The following MCM6 variants were observed in gnomAD, a reference collection of about 807,000 sequenced individuals.
The protein encoded by MCM6 is DNA replication licensing factor MCM6.
MCM6 carries 46 observed loss-of-function variants against 94.3 expected under a neutral mutation model. The observed-to-expected ratio is 0.49, with a 90% CI of 0.39 to 0.62. MCM6 has a LOEUF of 0.62. MCM6 is among the 20% of genes least tolerant of loss of function. The probability of loss-of-function intolerance (pLI) is 0.00; values close to 1 mark genes in which losing one functional copy is unlikely to be tolerated. For missense variants in MCM6, 865 were observed against 1,017.9 expected, an observed-to-expected ratio of 0.85 and a Z score of 2.04; for synonymous variants, 335 against 351.9, an observed-to-expected ratio of 0.95 and a Z score of 0.54.
chr2:135,855,914 C>T (rs1214417295), intron 11 of MCM6, among the ~76,000 whole-genome samples: 1 of 151,816 alleles, frequency 6.6e-6, no homozygotes, highest in Non-Finnish European at 1.5e-5. Context: ...AATAATTAAA[C>T]TAACATATCA....
At position 135,876,381 on chromosome 2, in the gene MCM6, AG is replaced by A; in HGVS notation, c.-17del. Reference sequence around the variant, plus strand: ...CGAGGTCCATATTTGCTTAGTGCCGAGGATTCGCCTGCGCCACGCTCGACCG... The same window carrying A: ...CGAGGTCCATATTTGCTTAGTGCCGAGATTCGCCTGCGCCACGCTCGACCG... On this transcript the variant is annotated 5_prime_UTR_variant, in exon 1 of 17. Coordinates refer to ENST00000264156, the MANE Select transcript of MCM6 (RefSeq NM_005915.6). 6.3e-7 allele frequency: 1 copy of A among 1,587,940 alleles called. No individual in the cohort carries two copies.
intron 11 of MCM6, among the ~76,000 whole-genome samples, chr2:135,856,210 G>A (rs309179): frequency 0.5 from 76,281 of 152,062 alleles, 23,230 homozygotes; most frequent in Non-Finnish European, 0.7. Context: ...GGAGGCTGAG[G>A]TGGGTGTGCA....
At position 135,860,078 on chromosome 2, in the gene MCM6, A is replaced by G. The variant is rs372580517; in HGVS notation, c.1221-636T>C. Among the ~76,000 whole-genome samples the G allele has an allele frequency of 8.5e-5, 13 of 152,230 alleles. No individual in the cohort carries two copies. In the South Asian group the frequency reaches 2.7e-3, roughly 32 times the overall value. On this transcript the variant is annotated intron_variant, in intron 8 of 16. Coordinates refer to ENST00000264156, the MANE Select transcript of MCM6 (RefSeq NM_005915.6). Reference sequence around the variant, plus strand: ...TTTGGCCTCCCAAAGTGCTGGGATTACAGGCGTGAGCCACCACACCTAGCC... The same window carrying G: ...TTTGGCCTCCCAAAGTGCTGGGATTGCAGGCGTGAGCCACCACACCTAGCC...
chr2:135,847,362 A>G (rs889111600), intron 14 of MCM6, among the ~76,000 whole-genome samples: 4 of 152,188 alleles, frequency 2.6e-5, no homozygotes, highest in African/African-American at 9.6e-5. Flanking sequence ...CTGCAGTGCC[A>G]TGAGTGTACC....
Position 135,872,763 on chromosome 2 carries a change from A to G in MCM6, c.188T>C (p.Val63Ala), listed in dbSNP as rs758646175. 6.2e-7 allele frequency: 1 copy of G among 1,614,176 alleles called. No homozygotes were observed. The highest frequency in any genetic ancestry group is 1.3e-5 in the African/African-American group (1 of 75,050). Residue 63 changes from valine to alanine, a missense_variant, in exon 2 of 17, where the codon GTG (valine) becomes GCG (alanine). Val to Ala is a moderately conservative substitution (Grantham distance 64). Transcript: ENST00000264156. ...AAATTGTTCCAGGTCCACAAAACTC[A>G]CAACCAATGTGTTTCTCTCAGGACG... Reference protein sequence around the residue: ...LIRPERNTLVVSFVDLEQFNQ... With the variant: ...LIRPERNTLVASFVDLEQFNQ...
rs546877429 is a variant in MCM6, at chr2:135,868,447, A to G, written c.615+164T>C. Among the ~76,000 whole-genome samples, 14 of 152,344 alleles carry G rather than the reference A, an allele frequency of 9.2e-5. No homozygotes were observed. The South Asian group carries it at 2.7e-3, about 29-fold the overall frequency. ...AAAACAAATGTATATACTAACAATT[A>G]TAATTTACATGAACAGTTTTGGGCT... On this transcript the variant is annotated intron_variant, in intron 4 of 16. Coordinates refer to ENST00000264156, the MANE Select transcript of MCM6 (RefSeq NM_005915.6).
chr2:135,866,440 T>A, intron 5 of MCM6, 123 bp downstream of exon 5: 22 of 1,401,940 alleles, frequency 1.6e-5, no homozygotes, highest in Non-Finnish European at 2.1e-5. Flanking sequence ...TTTATTCTCA[T>A]CACACTTCGT....
chr2:135,850,709 G>A (rs1427424790), intron 13 of MCM6, among the ~76,000 whole-genome samples: 2 of 152,150 alleles, frequency 1.3e-5, no homozygotes, highest in Non-Finnish European at 2.9e-5. Flanking sequence ...CAGGGGTTTG[G>A]AACTTTCTGA....
chr2:135,865,264 C>A, intron 6 of MCM6, 101 bp from the exon 7 acceptor site: 10 of 751,046 alleles, frequency 1.3e-5, no homozygotes, highest in South Asian at 4.6e-5. Context: ...CATGGGAAGT[C>A]AACCTCACAA....
At chr2:135,871,341 T>A (rs1216845364) in intron 2 of MCM6, among the ~76,000 whole-genome samples, 1 of 152,216 alleles carries the variant, frequency 6.6e-6, no homozygotes, top group African/African-American at 2.4e-5. Context: ...GTCAGTGCTA[T>A]AACTTCTACT....
chr2:135,862,557 G>A (rs1180772594), intron 8 of MCM6, 50 bp downstream of exon 8: 2 of 1,604,438 alleles, frequency 1.2e-6, no homozygotes, highest in Non-Finnish European at 8.5e-7. Context: ...CAGCCAGCCT[G>A]GGAACTATGT....
At chr2:135,876,123 T>C in intron 1 of MCM6, 136 bp downstream of exon 1, 1 of 625,894 alleles carries the variant, frequency 1.6e-6, no homozygotes, top group Non-Finnish European at 2.5e-6. Flanking sequence ...AGCCTAAAGT[T>C]GGGGGGCGGG....
At chr2:135,861,467 T>C (rs1290886070) in intron 8 of MCM6, among the ~76,000 whole-genome samples, 2 of 152,230 alleles carry the variant, frequency 1.3e-5, no homozygotes. Context: ...CTTGTTGCTT[T>C]TATTTTGGGC....
At position 135,862,691 on chromosome 2, in the gene MCM6, G is replaced by A. The variant is rs766972366; in HGVS notation, c.1136C>T (p.Thr379Ile). The A allele has an allele frequency of 1.2e-5, 19 of 1,614,074 alleles. No homozygotes were observed. Among genetic ancestry groups the A allele is most frequent in the East Asian group, 2.2e-5 (1 of 44,882 alleles). ...TCGAAGAGAGGTCCCTTCTCCTGTTGTCTTTGGAACGCCACCAAAGAGCAT... is the reference window on the plus strand; with the variant it reads ...TCGAAGAGAGGTCCCTTCTCCTGTTATCTTTGGAACGCCACCAAAGAGCAT... ...LLMLFGGVPK[T>I]TGEGTSLRGD... Residue 379 changes from threonine (T) to isoleucine (I), a missense_variant, in exon 8 of 17, where the codon ACA becomes ATA. Around this residue, in one of 3 missense-constraint regions of MCM6, gnomAD observed 153 missense variants for 241.5 expected, o/e 0.63. Transcript: ENST00000264156.
At position 135,846,351 on chromosome 2, in the gene MCM6, A is replaced by G. The variant is rs1007877179; in HGVS notation, c.2095T>C (p.Tyr699His). 3.7e-6 allele frequency: 6 copies of G among 1,614,034 alleles called. No homozygotes were observed. The highest frequency in any genetic ancestry group is 4.2e-6 in the Non-Finnish European group (5 of 1,180,000). Residue 699 changes from tyrosine to histidine, a missense_variant, in exon 15 of 17, where the codon TAC becomes CAC. Coordinates refer to ENST00000264156, the MANE Select transcript of MCM6 (RefSeq NM_005915.6). Reference protein sequence around the residue: ...SPAPVNGINGYNEDINQESAP... With the variant: ...SPAPVNGINGHNEDINQESAP... The stretch of plus-strand genomic sequence containing the variant: ...GACTCTTGATTTATGTCTTCATTGT[A>G]GCCATTGATCCCGTTCACAGGAGCA...
intron 14 of MCM6, 31 bp from the exon 15 acceptor site, chr2:135,846,423 T>C: frequency 6.2e-7 from 1 of 1,606,832 alleles, no homozygotes; most frequent in Non-Finnish European, 8.5e-7. Flanking sequence ...CTGAATCTTA[T>C]TTTTGTGCCC....
At chr2:135,858,206 C>T (rs1046873008) in intron 9 of MCM6, among the ~76,000 whole-genome samples, 12 of 152,150 alleles carry the variant, frequency 7.9e-5, no homozygotes, top group South Asian at 4.2e-4. Flanking sequence ...AAAACAACAA[C>T]GGCCGAGTGT....
At chr2:135,845,387 T>C (rs779666362) in intron 15 of MCM6, among the ~76,000 whole-genome samples, 1 of 152,180 alleles carries the variant, frequency 6.6e-6, no homozygotes, top group Non-Finnish European at 1.5e-5. Context: ...ACATATAACA[T>C]GAATCAAGAA....
Position 135,865,065 on chromosome 2 carries a change from T to C in MCM6, c.1026A>G (p.Gln342=). Residue 342 remains glutamine (Q), a synonymous_variant, in exon 7 of 17, where the codon CAA becomes CAG. Transcript: ENST00000264156. ...AAAGATTGTGGTATAGATTTTTATC[T>C]TGACTCATCTCAAACACTTTCTCCC... ...KEWEKVFEMS[Q]DKNLYHNLCT... 2.5e-6 allele frequency: 4 copies of C among 1,573,126 alleles called. No individual in the cohort carries two copies. The highest frequency in any genetic ancestry group is 3.4e-6 in the Non-Finnish European group (4 of 1,160,052).
Sources: gnomAD v4.1 joint callset for allele counts (sites outside exome capture counted in the v4.1 genomes callset) on GRCh38, gnomAD v4.1.1 for gene constraint, gnomAD v4.1.1 regional missense constraint, MANE v1.5 for transcripts, NCBI Gene and HGNC (gene_info 2026-07-23, HGNC 2026-07-21) for gene names.